Variants in GPD2 observed in about 807,000 individuals in gnomAD.
The protein encoded by GPD2 is glycerol-3-phosphate dehydrogenase 2, also known as glycerol-3-phosphate dehydrogenase, mitochondrial.
GPD2 carries 54 observed loss-of-function variants against 82.4 expected under a neutral mutation model. The ratio of observed to expected loss-of-function variants is 0.66; its 90% CI spans 0.53 to 0.82. GPD2 has a LOEUF of 0.82. Among genes scored for constraint, GPD2 ranks in the 40% least tolerant of loss-of-function variants. GPD2 has a pLI of 0.00. For synonymous variants in GPD2, 288 were observed against 306.1 expected, an observed-to-expected ratio of 0.94 and a Z score of 0.62; for missense variants, 748 against 896.2, an observed-to-expected ratio of 0.83 and a Z score of 2.11.
At chr2:156,527,534 C>T (rs1685660059) in intron 6 of GPD2, among the ~76,000 whole-genome samples, 1 of 152,030 alleles carries the variant, frequency 6.6e-6, no homozygotes, top group African/African-American at 2.4e-5. Flanking sequence ...CGCAACTAAC[C>T]TCCCACACAA....
At chr2:156,503,481 G>A (rs74707548) in intron 3 of GPD2, among the ~76,000 whole-genome samples, 281 of 152,218 alleles carry the variant, frequency 1.8e-3, no homozygotes, top group African/African-American at 6.3e-3. Flanking sequence ...AAGAAGAAGA[G>A]TTCAAAGCTG....
chr2:156,515,902 T>C (rs1685180765), intron 6 of GPD2, among the ~76,000 whole-genome samples: 1 of 152,200 alleles, frequency 6.6e-6, no homozygotes, highest in African/African-American at 2.4e-5. Context: ...TATATTTACA[T>C]GTGGGGCAAC....
chr2:156,568,898 T>C lies in GPD2; in HGVS notation c.1239T>C (p.Thr413=), dbSNP rs369282124. ...TTACAGACCCCAAATCTGCAGATAC[T>C]CAGTCTATCTCCCGAAATCATGTTG... ...PLVTDPKSAD[T]QSISRNHVVD... is the part of the protein sequence containing the mutation. Residue 413 remains threonine (T), a synonymous_variant, in exon 10 of 17, where the codon ACT becomes ACC. Transcript: ENST00000438166. The C allele has an allele frequency of 5.1e-5, 82 of 1,611,264 alleles. No individual in the cohort carries two copies. The highest frequency in any genetic ancestry group is 6.8e-5 in the Non-Finnish European group (80 of 1,177,606).
At chr2:156,521,495 C>A (rs1685406348) in intron 6 of GPD2, among the ~76,000 whole-genome samples, 1 of 152,166 alleles carries the variant, frequency 6.6e-6, no homozygotes, top group South Asian at 2.1e-4. Context: ...AAGTACAAAA[C>A]ATTACTCCCG....
At chr2:156,504,389 C>A (rs1486611356) in intron 3 of GPD2, among the ~76,000 whole-genome samples, 2 of 151,526 alleles carry the variant, frequency 1.3e-5, no homozygotes, top group Non-Finnish European at 2.9e-5. Flanking sequence ...GATAAACTCA[C>A]CTTTAAAAAA....
intron 2 of GPD2, among the ~76,000 whole-genome samples, chr2:156,480,692 C>T (rs898303670): frequency 6.6e-6 from 1 of 151,306 alleles, no homozygotes; most frequent in African/African-American, 2.4e-5. Flanking sequence ...TCTCAAAGCC[C>T]GGATGTGAAA....
intron 6 of GPD2, 65 bp from the exon 7 acceptor site, chr2:156,549,541 CTT>C: frequency 1.4e-6 from 2 of 1,384,862 alleles, no homozygotes; most frequent in East Asian, 4.6e-5. Context: ...TTGTGACACA[CTT>C]TTGTACCACC....
chr2:156,474,949 AAAG>A (rs1353666138), intron 1 of GPD2, among the ~76,000 whole-genome samples: 3 of 151,844 alleles, frequency 2.0e-5, no homozygotes, highest in East Asian at 1.9e-4. Context: ...GAAAAAAAAA[AAAG>A]AAGAAGAAAG....
chr2:156,510,430 G>A (rs1273147549), intron 3 of GPD2, among the ~76,000 whole-genome samples: 2 of 152,180 alleles, frequency 1.3e-5, no homozygotes, highest in South Asian at 2.1e-4. Flanking sequence ...AGAGATGAAC[G>A]AGAGTTCTAG....
rs1247637840 is a variant in GPD2, at chr2:156,586,043, A to G, written c.*3125A>G. 6.6e-6 allele frequency: 1 copy of G among 152,358 alleles called. No individual in the cohort carries two copies. Among genetic ancestry groups the G allele is most frequent in the Non-Finnish European group, 1.5e-5 (1 of 67,940 alleles). The allele number at this position is 152,358 out of a possible 1,614,324, so 9.4% of individuals were successfully genotyped here. On this transcript the variant is annotated 3_prime_UTR_variant, in exon 17 of 17. Transcript: ENST00000438166. ...GGCCATTATTTATTACTTTTGATAC[A>G]CAGAATGAGCTGCATGCATTTATAG...
intron 3 of GPD2, among the ~76,000 whole-genome samples, chr2:156,499,013 A>AT (rs1684490031): frequency 2.0e-5 from 3 of 152,182 alleles, no homozygotes; most frequent in African/African-American, 7.2e-5. Flanking sequence ...GGAAAGAGAT[A>AT]TCAGAGATGT....
rs371433724 is a variant in GPD2, at chr2:156,585,901, G to T, written c.*2983G>T. 1 of 152,398 alleles carries T rather than the reference G, an allele frequency of 6.6e-6. No individual in the cohort carries two copies. The highest frequency in any genetic ancestry group is 1.5e-5 in the Non-Finnish European group (1 of 67,960). 9.4% of individuals were successfully genotyped at this position (152,398 alleles called of 1,614,324 possible). ...CAGTGCTAGAGTGGATATACACACCGCATGTTTTCATATGTGGCACTTTTA... is the reference window on the plus strand; with the variant it reads ...CAGTGCTAGAGTGGATATACACACCTCATGTTTTCATATGTGGCACTTTTA... On this transcript the variant is annotated 3_prime_UTR_variant, in exon 17 of 17. Coordinates refer to ENST00000438166, the MANE Select transcript of GPD2 (RefSeq NM_000408.5).
chr2:156,522,983 A>G (rs928723685), intron 6 of GPD2, among the ~76,000 whole-genome samples: 3 of 151,978 alleles, frequency 2.0e-5, no homozygotes, highest in Admixed American at 6.6e-5. Context: ...AGAAAGGTAC[A>G]GAGACTTCCT....
chr2:156,505,711 C>T (rs528270215), intron 3 of GPD2, among the ~76,000 whole-genome samples: 1 of 152,176 alleles, frequency 6.6e-6, no homozygotes, highest in Non-Finnish European at 1.5e-5. Context: ...TTTCTTGAAT[C>T]CTGGGTGCAT....
At chr2:156,409,698 T>C in the GPD2 span, among the ~76,000 whole-genome samples, 16 of 152,152 alleles carry the variant, frequency 1.1e-4, no homozygotes, top group Non-Finnish European at 1.9e-4. Context: ...AGATTCCATC[T>C]TTAAAAAACA....
intron 2 of GPD2, among the ~76,000 whole-genome samples, chr2:156,489,877 C>T (rs1413064989): frequency 5.8e-5 from 8 of 137,706 alleles, no homozygotes; most frequent in African/African-American, 2.2e-4. Context: ...TTCCTTCCTT[C>T]CCCTCCCCTC....
At chr2:156,452,129 G>T (rs1000629259) in intron 1 of GPD2, among the ~76,000 whole-genome samples, 1 of 151,982 alleles carries the variant, frequency 6.6e-6, no homozygotes, top group Non-Finnish European at 1.5e-5. Flanking sequence ...AGGCAGAGAC[G>T]CTCCTCACTT....
chr2:156,507,149 G>A (rs1271787108), intron 3 of GPD2, among the ~76,000 whole-genome samples: 1 of 151,752 alleles, frequency 6.6e-6, no homozygotes, highest in East Asian at 1.9e-4. Context: ...GAGTAGCTGG[G>A]ATTACAGGCA....
chr2:156,538,820 CA>C (rs34693625), intron 6 of GPD2, among the ~76,000 whole-genome samples: 25 of 109,882 alleles, frequency 2.3e-4, no homozygotes, highest in Admixed American at 4.1e-4. Flanking sequence ...GACTGCATCT[CA>C]AAAAAAAAAA....
Sources: allele counts gnomAD v4.1 joint callset (sites outside exome capture counted in the v4.1 genomes callset), GRCh38; gene constraint gnomAD v4.1.1; transcripts MANE v1.5; gene names NCBI Gene and HGNC (gene_info 2026-07-23, HGNC 2026-07-21).